The following NAV1 variants were observed in gnomAD, a reference collection of about 807,000 sequenced individuals.
The protein encoded by NAV1 is pore membrane and/or filament interacting like protein 3.
NAV1 carries 18 observed loss-of-function variants against 175.2 expected under a neutral mutation model. The observed-to-expected ratio is 0.10, with a 90% CI of 0.07 to 0.15. The LOEUF is 0.15. Ranked by LOEUF, NAV1 falls within the 10% of genes least tolerant of loss-of-function variation. The probability of loss-of-function intolerance (pLI) is 1.00; values close to 1 mark genes in which losing one functional copy is unlikely to be tolerated. For missense variants in NAV1, 1,731 were observed against 2,436.6 expected, an observed-to-expected ratio of 0.71 and a Z score of 6.10; for synonymous variants, 897 against 978.7, an observed-to-expected ratio of 0.92 and a Z score of 1.56.
At chr1:201,691,960 C>A (rs183703338) in intron 1 of NAV1, among the ~76,000 whole-genome samples, 1 of 152,208 alleles carries the variant, frequency 6.6e-6, no homozygotes, top group East Asian at 1.9e-4. Context: ...TTGAAGCCAG[C>A]CCAGAAAGGG....
chr1:201,752,799 T>A lies in NAV1; in HGVS notation c.1227-27622T>A, dbSNP rs1049728943. ...TGTGTTCAGAATATTTGTCTGCCAA[T>A]TGTGCAAAGACATCCAGATTTCCAT... On this transcript the variant is annotated intron_variant, in intron 3 of 29. Coordinates refer to ENST00000367296, the Ensembl canonical transcript of NAV1. Among the ~76,000 whole-genome samples, 7 of 152,168 alleles carry A rather than the reference T, an allele frequency of 4.6e-5. No homozygotes were observed. The East Asian group carries it at 1.3e-3, about 29-fold the overall frequency.
rs149786082 is a variant in NAV1 at position 201,710,119 on chromosome 1, A to G, written c.758-2698A>G. ...CATCTGGGGCATTAGGGAATGCAGC[A>G]TGACTCTCCTGAGGCTACTGTGTGG... On this transcript the variant is annotated intron_variant, in intron 1 of 29. Coordinates refer to ENST00000367296, the Ensembl canonical transcript of NAV1. Among the ~76,000 whole-genome samples the G allele has an allele frequency of 2.0e-3, 310 of 151,600 alleles. 1 individual carries two copies. The highest frequency in any genetic ancestry group is 7.0e-3 in the African/African-American group (289 of 41,304).
At chr1:201,802,667 C>T (rs1320996088) in intron 15 of NAV1, among the ~76,000 whole-genome samples, 1 of 151,396 alleles carries the variant, frequency 6.6e-6, no homozygotes, top group African/African-American at 2.4e-5. Flanking sequence ...GTAATCCCAG[C>T]TACTTGGGAG....
intron 1 of NAV1, among the ~76,000 whole-genome samples, chr1:201,685,307 A>C (rs1670642109): frequency 6.6e-6 from 1 of 152,178 alleles, no homozygotes; most frequent in South Asian, 2.1e-4. Flanking sequence ...CAAAGGCTAC[A>C]CTCCAAAGGC....
intron 3 of NAV1, among the ~76,000 whole-genome samples, chr1:201,767,709 C>T (rs984760229): frequency 4.3e-4 from 66 of 152,132 alleles, no homozygotes; most frequent in African/African-American, 1.5e-3. Context: ...AGGTCACCAA[C>T]GTCTTAACAA....
At chr1:201,713,964 G>C (rs1172694764) in intron 2 of NAV1, among the ~76,000 whole-genome samples, 1 of 152,080 alleles carries the variant, frequency 6.6e-6, no homozygotes, top group East Asian at 1.9e-4. Context: ...TTTAACATAG[G>C]CTTTTTAAAA....
At chr1:201,714,356 C>T (rs551435431) in intron 2 of NAV1, among the ~76,000 whole-genome samples, 7 of 152,354 alleles carry the variant, frequency 4.6e-5, no homozygotes, top group African/African-American at 1.7e-4. Flanking sequence ...CCTTGTACTA[C>T]TCCTCCCCCT....
At chr1:201,601,871 C>A (rs914849518) in intron 2 of NAV1, among the ~76,000 whole-genome samples, 2 of 152,142 alleles carry the variant, frequency 1.3e-5, no homozygotes, top group African/African-American at 2.4e-5. Flanking sequence ...AGTCCCCTAG[C>A]CCAGCATCCC....
chr1:201,621,267 A>G (rs1487257772), upstream of NAV1, among the ~76,000 whole-genome samples: 1 of 149,968 alleles, frequency 6.7e-6, no homozygotes, highest in African/African-American at 2.5e-5. Flanking sequence ...GATTTGGTAG[A>G]GCTCCCTATA....
At chr1:201,811,668 G>C (rs760913094) in exon 25 of NAV1, 1 of 1,614,082 alleles carries the variant, frequency 6.2e-7, no homozygotes, top group East Asian at 2.2e-5. Context: ...TTGGGGATGT[G>C]CCCCTGGTGA....
At chr1:201,641,968 C>A (rs890586716) in intron 2 of NAV1, among the ~76,000 whole-genome samples, 4 of 148,270 alleles carry the variant, frequency 2.7e-5, no homozygotes, top group Admixed American at 6.7e-5. Flanking sequence ...TCCTTCCTTT[C>A]TCTCTCTCTC....
intron 3 of NAV1, chr1:201,724,614 C>G (rs1459893051): frequency 6.6e-6 from 1 of 152,620 alleles, no homozygotes; most frequent in Non-Finnish European, 1.5e-5. Flanking sequence ...GTCCACAGCC[C>G]TGACAGGACT....
chr1:201,569,219 G>A (rs1319959209), intron 1 of NAV1, among the ~76,000 whole-genome samples: 1 of 152,174 alleles, frequency 6.6e-6, no homozygotes, highest in Non-Finnish European at 1.5e-5. Context: ...GAAGGTCTGG[G>A]CTGATCTTGG....
At chr1:201,712,796 T>C in intron 1 of NAV1, 21 bp from the exon 6 acceptor site, 1 of 1,555,678 alleles carries the variant, frequency 6.4e-7, no homozygotes, top group Non-Finnish European at 8.9e-7. Flanking sequence ...CTCACCCAGC[T>C]CTTCCTTCTC....
chr1:201,630,054 G>C (rs998670546), intron 2 of NAV1, among the ~76,000 whole-genome samples: 2 of 152,244 alleles, frequency 1.3e-5, no homozygotes, highest in Non-Finnish European at 2.9e-5. Context: ...AATAAGGGCA[G>C]AGACCCTGAC....
rs771267086 is a variant in NAV1, at chr1:201,812,557, A to G, written c.5117A>G (p.Asn1706Ser). Residue 1706 changes from asparagine to serine, a missense_variant, in exon 27 of 30, where the codon AAT (asparagine) becomes AGT (serine). Around this residue, in one of 13 missense-constraint regions of NAV1, gnomAD observed 115 missense variants for 269.4 expected, o/e 0.43. Transcript: ENST00000367296. The surrounding 1 kb of genome is among the most constrained non-coding windows in gnomAD (Gnocchi z 4.6). The stretch of plus-strand genomic sequence containing the variant: ...CTGGTAGAGTCAGACAGCGACATCA[A>G]TGCCAACAAGGAAGAGCTGCTTCGG... 48 of 1,614,094 alleles carry G rather than the reference A, an allele frequency of 3.0e-5. No homozygotes were observed. The highest frequency in any genetic ancestry group is 1.3e-4 in the Admixed American group (8 of 60,006).
chr1:201,548,792 G>C (rs1039180462), intron 1 of NAV1, among the ~76,000 whole-genome samples: 1 of 152,108 alleles, frequency 6.6e-6, no homozygotes, highest in Non-Finnish European at 1.5e-5. Flanking sequence ...AAAGAGAGTC[G>C]GGTTTAGTGT....
intron 3 of NAV1, among the ~76,000 whole-genome samples, chr1:201,772,840 T>C (rs1039965394): frequency 3.9e-5 from 6 of 152,082 alleles, no homozygotes; most frequent in Non-Finnish European, 8.8e-5. Context: ...GAGACCATCC[T>C]GGCTAACACG....
intron 3 of NAV1, among the ~76,000 whole-genome samples, chr1:201,772,815 C>CCT (rs2102678863): frequency 6.6e-6 from 1 of 152,098 alleles, no homozygotes; most frequent in East Asian, 1.9e-4. Context: ...GGGTGGATCA[C>CCT]GAGGTCAGGA....
Sources: gnomAD v4.1 joint callset for allele counts (sites outside exome capture counted in the v4.1 genomes callset) on GRCh38, gnomAD v4.1.1 for gene constraint, gnomAD v4.1.1 regional missense constraint, Gnocchi (gnomAD v3.1) non-coding constraint, MANE v1.5 for transcripts, NCBI Gene and HGNC (gene_info 2026-07-23, HGNC 2026-07-21) for gene names.